INSM2: variants seen among roughly 807,000 people sequenced by gnomAD.
The protein encoded by INSM2 is INSM transcriptional repressor 2.
Under a neutral mutation model 30.5 loss-of-function variants are expected in INSM2, and 12 were observed. That is an observed-to-expected ratio of 0.39 (90% CI 0.25 to 0.64). The LOEUF is 0.64. Among genes scored for constraint, INSM2 ranks in the 30% least tolerant of loss-of-function variants. The pLI is 0.47. For missense variants in INSM2, 773 were observed against 819.2 expected (o/e 0.94, Z 0.69); for synonymous variants, 418 against 383.7 (o/e 1.09, Z -1.05).
chr14:35,534,219 T>C lies in INSM2; in HGVS notation c.-34T>C. 4.5e-6 allele frequency: 7 copies of C among 1,558,176 alleles called. No individual in the cohort carries two copies. The highest frequency in any genetic ancestry group is 6.0e-6 in the Non-Finnish European group (7 of 1,158,132). The stretch of plus-strand genomic sequence containing the variant: ...GGCTCTCAGTCCCCGTGGCGCCCCC[T>C]TTCCTCTTGTCCCAGAGCGCTCTCG... On this transcript the variant is annotated 5_prime_UTR_variant, in exon 1 of 1. Transcript: ENST00000307169.
At position 35,534,673 on chromosome 14, in the gene INSM2, G is replaced by A; in HGVS notation, c.421G>A (p.Gly141Ser). The change falls in exon 1 of 1, where the codon GGC becomes AGC. Residue 141 changes from glycine (G) to serine (S), a missense_variant. Gly to Ser is a moderately conservative substitution (Grantham distance 56, BLOSUM62 0). Transcript: ENST00000307169. ...SPVSAESFPGGAAAVAAFSCS... is the reference protein window; with the variant it reads ...SPVSAESFPGSAAAVAAFSCS... Reference sequence around the variant, plus strand: ...CGTCTCCGCCGAGTCTTTCCCCGGGGGCGCCGCCGCCGTGGCCGCTTTCTC... The same window carrying A: ...CGTCTCCGCCGAGTCTTTCCCCGGGAGCGCCGCCGCCGTGGCCGCTTTCTC... 4 of 1,402,832 alleles carry A rather than the reference G, an allele frequency of 2.9e-6. No homozygotes were observed. Among genetic ancestry groups the A allele is most frequent in the Non-Finnish European group, 3.7e-6 (4 of 1,089,618 alleles). The allele number at this position is 1,402,832 out of a possible 1,614,324, so 86.9% of individuals were successfully genotyped here. A position where few individuals can be genotyped will look rare whatever the true frequency, so the allele number is the denominator to read the frequency against.
At position 35,535,249 on chromosome 14, in the gene INSM2, C is replaced by A. The variant is rs531820522; in HGVS notation, c.997C>A (p.Pro333Thr). 55 of 1,613,562 alleles carry A rather than the reference C, an allele frequency of 3.4e-5. No homozygotes were observed. Among genetic ancestry groups the A allele is most frequent in the Non-Finnish European group, 4.6e-5 (54 of 1,179,952 alleles). ...AGTCTCCTCCGCCGACGGGAAGCCG[C>A]CTTCTTCGTCGTCTTCGTCCTCCCG... ...ATVSSADGKPPSSSSSSSRDS... is the reference protein window; with the variant it reads ...ATVSSADGKPTSSSSSSSRDS... Residue 333 changes from proline (P) to threonine (T), a missense_variant, in exon 1 of 1, where the codon CCT (proline) becomes ACT (threonine). Transcript: ENST00000307169.
Position 35,534,583 on chromosome 14 carries a change from A to G in INSM2, c.331A>G (p.Ser111Gly). The G allele has an allele frequency of 7.0e-7, 1 of 1,435,288 alleles. No homozygotes were observed. Among genetic ancestry groups the G allele is most frequent in the South Asian group, 1.5e-5 (1 of 68,654 alleles). The allele number at this position is 1,435,288 out of a possible 1,614,324, so 88.9% of individuals were successfully genotyped here. ...CGGGCCCAGCCCCAGCCCCAGCCCC[A>G]GTCCAGCGAAGCCGGCAGGCGCAGA... ...GPGPSPSPSP[S>G]PAKPAGAELR... The change falls in exon 1 of 1, where the codon AGT becomes GGT. Residue 111 changes from serine (S) to glycine (G), a missense_variant. Ser to Gly is a moderately conservative substitution (Grantham distance 56, BLOSUM62 0). Coordinates refer to ENST00000307169, the MANE Select transcript of INSM2 (RefSeq NM_032594.4).
chr14:35,535,404 G>T lies in INSM2; in HGVS notation c.1152G>T (p.Arg384Ser). The T allele has an allele frequency of 6.2e-7, 1 of 1,611,740 alleles. No homozygotes were observed. The highest frequency in any genetic ancestry group is 1.3e-5 in the African/African-American group (1 of 75,052). ...ATCAGCACCCGGACAGCGCCCCGAGGCAGGGCCTCCAGGTGCTGACGCATC... is the reference window on the plus strand; with the variant it reads ...ATCAGCACCCGGACAGCGCCCCGAGTCAGGGCCTCCAGGTGCTGACGCATC... ...GADQHPDSAPRQGLQVLTHPE... is the reference protein window; with the variant it reads ...GADQHPDSAPSQGLQVLTHPE... Residue 384 changes from arginine (R) to serine (S), a missense_variant, in exon 1 of 1, where the codon AGG (arginine) becomes AGT (serine). By Grantham distance (110) the Arg-to-Ser change is moderately radical. Coordinates refer to ENST00000307169, the MANE Select transcript of INSM2 (RefSeq NM_032594.4).
In INSM2 at chr14:35,534,589, G is replaced by A; in HGVS notation, c.337G>A (p.Ala113Thr). 6.9e-7 allele frequency: 1 copy of A among 1,439,694 alleles called. No homozygotes were observed. The highest frequency in any genetic ancestry group is 2.7e-5 in the Admixed American group (1 of 36,542). The allele number at this position is 1,439,694 out of a possible 1,614,324, so 89.2% of individuals were successfully genotyped here. The change falls in exon 1 of 1, where the codon GCG becomes ACG. Residue 113 changes from alanine to threonine, a missense_variant. Transcript: ENST00000307169. Reference sequence around the variant, plus strand: ...CAGCCCCAGCCCCAGCCCCAGTCCAGCGAAGCCGGCAGGCGCAGAGCTGCG... The same window carrying A: ...CAGCCCCAGCCCCAGCCCCAGTCCAACGAAGCCGGCAGGCGCAGAGCTGCG... ...GPSPSPSPSP[A>T]KPAGAELRRA...
chr14:35,535,371 C>T lies in INSM2; in HGVS notation c.1119C>T (p.Ser373=), dbSNP rs147291649. The T allele has an allele frequency of 2.2e-5, 35 of 1,611,424 alleles. No homozygotes were observed. The East Asian group carries it at 6.5e-4, about 30-fold the overall frequency. Residue 373 remains serine (S), a synonymous_variant, in exon 1 of 1, where the codon TCC becomes TCT. Coordinates refer to ENST00000307169, the MANE Select transcript of INSM2 (RefSeq NM_032594.4). ...ADQHPQARDS[S]GADQHPDSAP... ...AGCACCCGCAGGCCAGGGACAGCTC[C>T]GGGGCGGATCAGCACCCGGACAGCG...
chr14:35,536,049 A>G lies in INSM2; in HGVS notation c.*96A>G. The stretch of plus-strand genomic sequence containing the variant: ...TTCTTCAACTTGCAAGTTTACTTTC[A>G]TTCCTTCCTATGTTTTAATCCCCTA... On this transcript the variant is annotated 3_prime_UTR_variant, in exon 1 of 1. Transcript: ENST00000307169. 2 of 1,411,724 alleles carry G rather than the reference A, an allele frequency of 1.4e-6. No individual in the cohort carries two copies. The highest frequency in any genetic ancestry group is 4.6e-5 in the Admixed American group (2 of 43,900). 87.4% of individuals were successfully genotyped at this position (1,411,724 alleles called of 1,614,324 possible). A position where few individuals can be genotyped will look rare whatever the true frequency, so the allele number is the denominator to read the frequency against.
Position 35,534,649 on chromosome 14 carries a change from G to T in INSM2, c.397G>T (p.Val133Phe). 7.1e-7 allele frequency: 1 copy of T among 1,416,762 alleles called. No homozygotes were observed. Among genetic ancestry groups the T allele is most frequent in the Non-Finnish European group, 9.1e-7 (1 of 1,098,398 alleles). The allele number at this position is 1,416,762 out of a possible 1,614,324, so 87.8% of individuals were successfully genotyped here. ...AFLERCLSSP[V>F]SAESFPGGAA... ...CCTGGAGCGCTGCCTCAGCTCGCCCGTCTCCGCCGAGTCTTTCCCCGGGGG... is the reference window on the plus strand; with the variant it reads ...CCTGGAGCGCTGCCTCAGCTCGCCCTTCTCCGCCGAGTCTTTCCCCGGGGG... Residue 133 changes from valine (V) to phenylalanine (F), a missense_variant, in exon 1 of 1, where the codon GTC becomes TTC. By Grantham distance (50) the Val-to-Phe change is conservative. Transcript: ENST00000307169.
chr14:35,534,591 G>A lies in INSM2; in HGVS notation c.339G>A (p.Ala113=), dbSNP rs1256871585. 5 of 1,440,394 alleles carry A rather than the reference G, an allele frequency of 3.5e-6. No individual in the cohort carries two copies. The highest frequency in any genetic ancestry group is 3.0e-5 in the African/African-American group (2 of 67,042). The allele number at this position is 1,440,394 out of a possible 1,614,324, so 89.2% of individuals were successfully genotyped here. ...GCCCCAGCCCCAGCCCCAGTCCAGC[G>A]AAGCCGGCAGGCGCAGAGCTGCGTC... ...GPSPSPSPSP[A]KPAGAELRRA... is the part of the protein sequence containing the mutation. Residue 113 remains alanine, a synonymous_variant, in exon 1 of 1, where the codon GCG becomes GCA. Transcript: ENST00000307169.
rs1298813957 is a variant in INSM2 at position 35,535,016 on chromosome 14, G to A, written c.764G>A (p.Gly255Asp). 2 of 1,574,212 alleles carry A rather than the reference G, an allele frequency of 1.3e-6. No homozygotes were observed. The highest frequency in any genetic ancestry group is 2.3e-5 in the East Asian group (1 of 44,310). ...EPGAPSRGLG[G>D]SRTPLGEFIC... ...GGAGCGCCGTCCCGGGGCTTGGGGG[G>A]CAGCCGCACGCCACTGGGGGAGTTC... Residue 255 changes from glycine to aspartate, a missense_variant, in exon 1 of 1, where the codon GGC becomes GAC. By Grantham distance (94) the Gly-to-Asp change is moderately conservative (BLOSUM62 -1). Transcript: ENST00000307169.
Position 35,535,821 on chromosome 14 carries a change from A to G in INSM2, c.1569A>G (p.Gln523=). The change falls in exon 1 of 1, where the codon CAA becomes CAG. Residue 523 remains glutamine (Q), a synonymous_variant. Transcript: ENST00000307169. ...GGCCATCTGACGGGAGTGCCCAGCA[A>G]ATTTTCTCGTGCAAGCACTGCCCGT... is the stretch of plus-strand genomic sequence containing the variant. ...PSGPSDGSAQ[Q]IFSCKHCPST... is the part of the protein sequence containing the mutation. 3 of 1,614,068 alleles carry G rather than the reference A, an allele frequency of 1.9e-6. No homozygotes were observed. The highest frequency in any genetic ancestry group is 1.7e-6 in the Non-Finnish European group (2 of 1,180,044).
Position 35,534,814 on chromosome 14 carries a change from C to T in INSM2, c.562C>T (p.Leu188Phe). ...QPDPAPLSAA[L>F]QSLKRAAGGE... ...GGACCCTGCGCCCCTCTCGGCCGCC[C>T]TTCAGAGTCTGAAGCGGGCGGCCGG... is the stretch of plus-strand genomic sequence containing the variant. The change falls in exon 1 of 1, where the codon CTT (leucine) becomes TTT (phenylalanine). Residue 188 changes from leucine (L) to phenylalanine (F), a missense_variant. Coordinates refer to ENST00000307169, the MANE Select transcript of INSM2 (RefSeq NM_032594.4). 2.0e-6 allele frequency: 3 copies of T among 1,492,594 alleles called. No homozygotes were observed. The highest frequency in any genetic ancestry group is 2.7e-6 in the Non-Finnish European group (3 of 1,127,828). The allele number at this position is 1,492,594 out of a possible 1,614,324, so 92.5% of individuals were successfully genotyped here. A position where few individuals can be genotyped will look rare whatever the true frequency, so the allele number is the denominator to read the frequency against.
Position 35,534,440 on chromosome 14 carries a change from G to A in INSM2, c.188G>A (p.Gly63Glu). 1 of 1,479,460 alleles carries A rather than the reference G, an allele frequency of 6.8e-7. No individual in the cohort carries two copies. Among genetic ancestry groups the A allele is most frequent in the East Asian group, 2.7e-5 (1 of 37,066 alleles). 91.6% of individuals were successfully genotyped at this position (1,479,460 alleles called of 1,614,324 possible). A position where few individuals can be genotyped will look rare whatever the true frequency, so the allele number is the denominator to read the frequency against. The change falls in exon 1 of 1, where the codon GGG (glycine) becomes GAG (glutamate). Residue 63 changes from glycine (G) to glutamate (E), a missense_variant. Transcript: ENST00000307169. ...CCCACCCGAGAGGAACCAGGAAAGG[G>A]GTTGACGGCGGAGGCGGCCCGGGAA... The part of the protein sequence containing the change: ...TPPTREEPGK[G>E]LTAEAAREQS...
At position 35,536,771 on chromosome 14, in the gene INSM2, T is replaced by C. The variant is rs2053605472; in HGVS notation, c.*818T>C. The stretch of plus-strand genomic sequence containing the variant: ...ATGGGGTTTCACCCAAATTGTTTAA[T>C]GCTTCTGCTGTAAATGTCATACTGT... On this transcript the variant is annotated 3_prime_UTR_variant, in exon 1 of 1. Coordinates refer to ENST00000307169, the MANE Select transcript of INSM2 (RefSeq NM_032594.4). The C allele has an allele frequency of 6.0e-6, 1 of 167,046 alleles. No homozygotes were observed. Among genetic ancestry groups the C allele is most frequent in the South Asian group, 2.1e-4 (1 of 4,832 alleles). 10.3% of individuals were successfully genotyped at this position (167,046 alleles called of 1,614,324 possible). A position where few individuals can be genotyped will look rare whatever the true frequency, so the allele number is the denominator to read the frequency against.
At position 35,534,594 on chromosome 14, in the gene INSM2, G is replaced by T; in HGVS notation, c.342G>T (p.Lys114Asn). The change falls in exon 1 of 1, where the codon AAG becomes AAT. Residue 114 changes from lysine (K) to asparagine (N), a missense_variant. By Grantham distance (94) the Lys-to-Asn change is moderately conservative (BLOSUM62 0). Coordinates refer to ENST00000307169, the MANE Select transcript of INSM2 (RefSeq NM_032594.4). ...CCAGCCCCAGCCCCAGTCCAGCGAA[G>T]CCGGCAGGCGCAGAGCTGCGTCGGG... ...PSPSPSPSPA[K>N]PAGAELRRAF... 1 of 1,442,130 alleles carries T rather than the reference G, an allele frequency of 6.9e-7. No homozygotes were observed. The highest frequency in any genetic ancestry group is 1.5e-5 in the African/African-American group (1 of 67,206). The allele number at this position is 1,442,130 out of a possible 1,614,324, so 89.3% of individuals were successfully genotyped here.
In INSM2 at chr14:35,535,318, AACAGC is replaced by A. The variant is rs2053588996; in HGVS notation, c.1067_1071del (p.Asn356ThrfsTer157). ...ATCTTTTCTGGCGGAGGGAAAGGAG[AACAGC>A]CGAATAGAGCGGACTGCGGATCAGC... On this transcript the variant is annotated frameshift_variant, in exon 1 of 1. Coordinates refer to ENST00000307169, the MANE Select transcript of INSM2 (RefSeq NM_032594.4). LOFTEE classifies it high-confidence loss of function. 6.2e-7 allele frequency: 1 copy of A among 1,611,996 alleles called. No individual in the cohort carries two copies. The highest frequency in any genetic ancestry group is 1.1e-5 in the South Asian group (1 of 90,926).
At position 35,535,734 on chromosome 14, in the gene INSM2, C is replaced by A; in HGVS notation, c.1482C>A (p.Val494=). Residue 494 remains valine, a synonymous_variant, in exon 1 of 1, where the codon GTC becomes GTA. Transcript: ENST00000307169. ...AGAAGCACCGGCTGTGGCATGCTGT[C>A]CGCGAGGAGCTGCTCCTGCCCGCTC... is the stretch of plus-strand genomic sequence containing the variant. ...IREKHRLWHA[V]REELLLPALA... 1 of 1,613,378 alleles carries A rather than the reference C, an allele frequency of 6.2e-7. No homozygotes were observed. The highest frequency in any genetic ancestry group is 8.5e-7 in the Non-Finnish European group (1 of 1,179,956).
chr14:35,534,515 G>T lies in INSM2; in HGVS notation c.263G>T (p.Gly88Val). The T allele has an allele frequency of 7.1e-7, 1 of 1,409,590 alleles. No homozygotes were observed. The highest frequency in any genetic ancestry group is 3.0e-5 in the East Asian group (1 of 33,728). The allele number at this position is 1,409,590 out of a possible 1,614,324, so 87.3% of individuals were successfully genotyped here. A position where few individuals can be genotyped will look rare whatever the true frequency, so the allele number is the denominator to read the frequency against. ...RAAGVSPGTG[G>V]REGAEWRAGG... ...GCTGGGGTGAGCCCGGGGACGGGCG[G>T]GCGGGAAGGCGCGGAGTGGCGGGCG... Residue 88 changes from glycine (G) to valine (V), a missense_variant, in exon 1 of 1, where the codon GGG (glycine) becomes GTG (valine). Transcript: ENST00000307169.
chr14:35,535,795 G>A lies in INSM2; in HGVS notation c.1543G>A (p.Gly515Arg). The A allele has an allele frequency of 6.2e-7, 1 of 1,613,538 alleles. No homozygotes were observed. Among genetic ancestry groups the A allele is most frequent in the Non-Finnish European group, 8.5e-7 (1 of 1,179,950 alleles). ...TCCTCCCGAAACGTCGGGCCCTAGC[G>A]GGCCATCTGACGGGAGTGCCCAGCA... ...GAPPETSGPSGPSDGSAQQIF... is the reference protein window; with the variant it reads ...GAPPETSGPSRPSDGSAQQIF... Residue 515 changes from glycine to arginine, a missense_variant, in exon 1 of 1, where the codon GGG becomes AGG. By Grantham distance (125) the Gly-to-Arg change is moderately radical. Coordinates refer to ENST00000307169, the MANE Select transcript of INSM2 (RefSeq NM_032594.4).
Sources: gnomAD v4.1 joint callset for allele counts on GRCh38, gnomAD v4.1.1 for gene constraint, MANE v1.5 for transcripts, NCBI Gene and HGNC (gene_info 2026-07-23, HGNC 2026-07-21) for gene names.